Variants in RMND1 observed in about 807,000 individuals in gnomAD.
RMND1 encodes required for meiotic nuclear division 1 homolog.
A neutral mutation model predicts 54.0 loss-of-function variants in RMND1; 41 were observed. The ratio of observed to expected loss-of-function variants is 0.76; its 90% CI spans 0.59 to 0.98. The LOEUF is 0.98. RMND1 is among the 50% of genes least tolerant of loss of function. The probability of loss-of-function intolerance (pLI) is 0.00; values close to 1 mark genes in which losing one functional copy is unlikely to be tolerated. For synonymous variants in RMND1, 183 were observed against 181.7 expected (o/e 1.01, Z -0.06); for missense variants, 457 against 532.0 (o/e 0.86, Z 1.39).
chr6:151,451,209 A>AAC (rs1406153948), intron 1 of RMND1, among the ~76,000 whole-genome samples: 25 of 151,756 alleles, frequency 1.6e-4, no homozygotes, highest in Middle Eastern at 3.4e-3. Context: ...AAAAAAAAAA[A>AAC]AAAAAAAAAA....
chr6:151,409,813 G>A (rs1037778000), intron 10 of RMND1, among the ~76,000 whole-genome samples: 1 of 152,108 alleles, frequency 6.6e-6, no homozygotes, highest in Non-Finnish European at 1.5e-5. Context: ...AAGTGTTCAC[G>A]GAGAAGGTGG....
At position 151,445,593 on chromosome 6, in the gene RMND1, T is replaced by C. The variant is rs1403492817; in HGVS notation, c.219A>G (p.Lys73=). The C allele has an allele frequency of 6.2e-7, 1 of 1,614,246 alleles. No homozygotes were observed. The highest frequency in any genetic ancestry group is 8.5e-7 in the Non-Finnish European group (1 of 1,180,038). Residue 73 remains lysine (K), a synonymous_variant, in exon 2 of 12, where the codon AAA becomes AAG. Coordinates refer to ENST00000444024, the MANE Select transcript of RMND1 (RefSeq NM_017909.4). The stretch of plus-strand genomic sequence containing the variant: ...GAGACAGCATGCTGGTATCTGACTT[T>C]TTTTGGTTCATTTCCAGGATCTGAG... ...NKSQILEMNQ[K]KSDTSMLSPL...
intron 4 of RMND1, among the ~76,000 whole-genome samples, chr6:151,431,548 A>G (rs1404182752): frequency 6.6e-6 from 1 of 152,146 alleles, no homozygotes; most frequent in Non-Finnish European, 1.5e-5. Context: ...CCTTCCAGGC[A>G]GAAGAGAGGT....
chr6:151,410,081 G>A (rs1779766656), intron 10 of RMND1, among the ~76,000 whole-genome samples: 1 of 148,662 alleles, frequency 6.7e-6, no homozygotes, highest in African/African-American at 2.5e-5. Context: ...TTGAGGCGGA[G>A]TCTTGCTCTG....
At chr6:151,449,951 C>T (rs1781085769) in intron 1 of RMND1, among the ~76,000 whole-genome samples, 1 of 152,226 alleles carries the variant, frequency 6.6e-6, no homozygotes. Flanking sequence ...TCACTCAGTG[C>T]TCAATGGTGC....
At chr6:151,439,955 C>T (rs772582744) in intron 2 of RMND1, among the ~76,000 whole-genome samples, 35 of 152,144 alleles carry the variant, frequency 2.3e-4, no homozygotes, top group African/African-American at 2.2e-4. Context: ...TGACCGCACC[C>T]GGCCTATTTA....
chr6:151,441,835 T>C (rs1020076861), intron 2 of RMND1, among the ~76,000 whole-genome samples: 1 of 152,174 alleles, frequency 6.6e-6, no homozygotes, highest in Admixed American at 6.5e-5. Flanking sequence ...ATAAATAAAA[T>C]GATTCCCTGA....
chr6:151,407,274 A>AGAGCAT (rs1473930836), intron 10 of RMND1, among the ~76,000 whole-genome samples: 1 of 152,158 alleles, frequency 6.6e-6, no homozygotes, highest in Non-Finnish European at 1.5e-5. Context: ...ATAGATGTGT[A>AGAGCAT]GAGCATGCCT....
rs1780528711 is a variant in RMND1, at chr6:151,434,012, A to C, written c.614-782T>G. Among the ~76,000 whole-genome samples, 4 of 143,316 alleles carry C rather than the reference A, an allele frequency of 2.8e-5. No homozygotes were observed. In the South Asian group the frequency reaches 9.4e-4, roughly 34 times the overall value. The allele number at this position is 143,316 out of a possible 152,430, so 94.0% of individuals were successfully genotyped here. On this transcript the variant is annotated intron_variant, in intron 3 of 11. Transcript: ENST00000444024. ...AGGCATGTGCCACCGCACCTGGCTA[A>C]GTTTTTGTTTATGTTTTGTAGAGAT...
chr6:151,429,793 A>G (rs1780403063), intron 5 of RMND1, among the ~76,000 whole-genome samples: 1 of 152,232 alleles, frequency 6.6e-6, no homozygotes, highest in Non-Finnish European at 1.5e-5. Flanking sequence ...TAAGTTCTAG[A>G]CAACTTGACT....
intron 2 of RMND1, chr6:151,444,551 G>GAAT (rs1405505843): frequency 6.6e-6 from 1 of 152,116 alleles, no homozygotes; most frequent in Non-Finnish European, 1.5e-5. Flanking sequence ...ATCAAGACTT[G>GAAT]AAGACAGACA....
intron 6 of RMND1, 57 bp downstream of exon 6, chr6:151,427,425 G>T (rs1582955344): frequency 9.7e-7 from 1 of 1,035,348 alleles, no homozygotes; most frequent in Non-Finnish European, 1.5e-6. Flanking sequence ...CTCCTCTATT[G>T]CTTTACCTAA....
At chr6:151,425,190 G>T (rs975931206) in intron 6 of RMND1, among the ~76,000 whole-genome samples, 1 of 152,120 alleles carries the variant, frequency 6.6e-6, no homozygotes, top group African/African-American at 2.4e-5. Context: ...TGATCTGCCC[G>T]CCTTGGCCTC....
At position 151,449,060 on chromosome 6, in the gene RMND1, C is replaced by CAAAAAAAAA. The variant is rs71014585; in HGVS notation, c.-15+2947_-15+2955dup. Among the ~76,000 whole-genome samples, 127 of 18,678 alleles carry CAAAAAAAAA rather than the reference C, an allele frequency of 6.8e-3. 27 individuals are homozygous for CAAAAAAAAA. The highest frequency in any genetic ancestry group is 0.031 in the African/African-American group (125 of 4,020). 12.3% of individuals were successfully genotyped at this position (18,678 alleles called of 152,430 possible). ...TGAGCAACAAAGCGAGACTCTGTCT[C>CAAAAAAAAA]AAAAAAAAAAAAAAAAAAAAAAAAA... On this transcript the variant is annotated intron_variant, in intron 1 of 11. Transcript: ENST00000444024.
At chr6:151,439,046 C>T (rs551465893) in intron 2 of RMND1, among the ~76,000 whole-genome samples, 4 of 152,106 alleles carry the variant, frequency 2.6e-5, no homozygotes, top group Non-Finnish European at 5.9e-5. Flanking sequence ...TCCAGGAGGC[C>T]GAGGTTGCAG....
intron 2 of RMND1, chr6:151,445,054 C>G (rs1780911883): frequency 2.6e-6 from 1 of 388,042 alleles, no homozygotes; most frequent in Non-Finnish European, 4.5e-6. Flanking sequence ...TTTCCTTAGA[C>G]CAATAACCAA....
At chr6:151,449,973 T>G (rs938567091) in intron 1 of RMND1, among the ~76,000 whole-genome samples, 8 of 151,996 alleles carry the variant, frequency 5.3e-5, no homozygotes, top group Non-Finnish European at 1.0e-4. Flanking sequence ...CAGGCTGGAG[T>G]GCAGTGGCGT....
chr6:151,415,106 G>T (rs1410015583), intron 10 of RMND1, among the ~76,000 whole-genome samples: 4 of 150,572 alleles, frequency 2.7e-5, no homozygotes, highest in African/African-American at 9.7e-5. Flanking sequence ...AGAACAGAAA[G>T]AATAAAAACA....
rs568717685 is a variant in RMND1, at chr6:151,427,568, C to T, written c.744G>A (p.Met248Ile). ...NVKDKTMKHVMKVLEKHEIQP... is the reference protein window; with the variant it reads ...NVKDKTMKHVIKVLEKHEIQP... ...GAATTTCATGTTTTTCTAGAACTTT[C>T]ATCACATGCTTCATCTAGAAGAAAA... Residue 248 changes from methionine (M) to isoleucine (I), a missense_variant, in exon 6 of 12, where the codon ATG (methionine) becomes ATA (isoleucine). Physicochemically the swap from Met to Ile is conservative, Grantham distance 10 (BLOSUM62 1). Transcript: ENST00000444024. 1 of 1,606,270 alleles carries T rather than the reference C, an allele frequency of 6.2e-7. No homozygotes were observed. Among genetic ancestry groups the T allele is most frequent in the African/African-American group, 1.3e-5 (1 of 74,830 alleles).
Sources: allele counts gnomAD v4.1 joint callset (sites outside exome capture counted in the v4.1 genomes callset), GRCh38; gene constraint gnomAD v4.1.1; transcripts MANE v1.5; gene names NCBI Gene and HGNC (gene_info 2026-07-23, HGNC 2026-07-21).